The following ZNF688 variants were observed in gnomAD, a reference collection of about 807,000 sequenced individuals.
ZNF688 encodes zinc finger protein 688.
ZNF688 carries 10 observed loss-of-function variants against 13.2 expected under a neutral mutation model. The ratio of observed to expected loss-of-function variants is 0.76; its 90% CI spans 0.47 to 1.28. The LOEUF (loss-of-function observed/expected upper bound fraction) is 1.28, where lower values mean the gene tolerates loss of function less well. ZNF688 is among the 50% of genes most tolerant of loss of function. The pLI is 0.00. For synonymous variants in ZNF688, 160 were observed against 159.4 expected (o/e 1.00, Z -0.03); for missense variants, 381 against 391.4 (o/e 0.97, Z 0.22).
Position 30,571,123 on chromosome 16 carries a change from C to A in ZNF688, c.197G>T (p.Gly66Val). The A allele has an allele frequency of 1.9e-6, 3 of 1,574,066 alleles. No individual in the cohort carries two copies. Among genetic ancestry groups the A allele is most frequent in the Non-Finnish European group, 2.6e-6 (3 of 1,160,468 alleles). The change falls in exon 2 of 3, where the codon GGA becomes GTA. Residue 66 changes from glycine (G) to valine (V), a missense_variant and splice_region_variant. Gly to Val is a moderately radical substitution (Grantham distance 109). Coordinates refer to ENST00000223459, the MANE Select transcript of ZNF688 (RefSeq NM_145271.4). Reference protein sequence around the residue: ...QETYGHLGALGFPGPKPALIS... With the variant: ...QETYGHLGALVFPGPKPALIS... ...GAGGGCTGGTTTGGGGCCTGGGAAT[C>A]CTGGGAGAGAACAGGGATCACAGCG...
chr16:30,578,341 A>G, the ZNF688 span: 2 of 152,130 alleles, frequency 1.3e-5, no homozygotes, highest in African/African-American at 4.8e-5. Flanking sequence ...TCAAGAAATA[A>G]CAAGAACAAC....
upstream of ZNF688, chr16:30,572,800 G>A (rs2051707293): frequency 1.3e-5 from 2 of 152,558 alleles, no homozygotes; most frequent in African/African-American, 4.8e-5. Flanking sequence ...TGGAACTCCT[G>A]GCCTCAAGCA....
Position 30,569,970 on chromosome 16 carries a change from C to G in ZNF688, c.777G>C (p.Arg259=). Residue 259 remains arginine, a synonymous_variant, in exon 3 of 3, where the codon CGG becomes CGC. Transcript: ENST00000223459. ...AVPRAPVRGD[R]DPPVLFRHYP... ...AGTGCCGGAAGAGCACAGGCGGGTC[C>G]CGGTCACCTCGGACGGGGGCCCGAG... The G allele has an allele frequency of 6.3e-7, 1 of 1,596,004 alleles. No homozygotes were observed. The highest frequency in any genetic ancestry group is 1.3e-5 in the African/African-American group (1 of 74,656).
chr16:30,579,591 G>C, the ZNF688 span: 2 of 326,466 alleles, frequency 6.1e-6, no homozygotes, highest in African/African-American at 4.3e-5. Flanking sequence ...ATATTGCCCA[G>C]CTGGTCTCAA....
At position 30,571,564 on chromosome 16, in the gene ZNF688, C is replaced by T. The variant is rs1237123281; in HGVS notation, c.66G>A (p.Lys22=). The change falls in exon 1 of 3, where the codon AAG becomes AAA. Residue 22 remains lysine (K), a synonymous_variant. Transcript: ENST00000223459. ...CGTCCGCGAAGCTCACAGTCCCGGG[C>T]TTCCTGCAACCAGGCCGGGTCTCCC... ...RPGETRPGCR[K]PGTVSFADVA... The T allele has an allele frequency of 6.4e-7, 1 of 1,571,686 alleles. No individual in the cohort carries two copies. The highest frequency in any genetic ancestry group is 8.6e-7 in the Non-Finnish European group (1 of 1,159,850).
chr16:30,571,162 C>T, intron 1 of ZNF688, 39 bp from the exon 2 acceptor site: 1 of 1,548,434 alleles, frequency 6.5e-7, no homozygotes, highest in Non-Finnish European at 8.7e-7. Flanking sequence ...GCCTGAGAGG[C>T]CATCGTGGGA....
At chr16:30,577,792 C>T in the ZNF688 span, among the ~76,000 whole-genome samples, 1 of 151,764 alleles carries the variant, frequency 6.6e-6, no homozygotes, top group Admixed American at 6.6e-5. Flanking sequence ...AAGCAATTCT[C>T]GTGCCTCAGC....
rs1197181539 is a variant in ZNF688, at chr16:30,571,058, C to T, written c.262G>A (p.Ala88Thr). ...TCCCCCTTCTCAGGATCCTGGGCGG[C>T]GGGGCTCCAAGCCTCACTCTCCTGT... ...MEQESEAWSP[A>T]AQDPEKGERL... is the part of the protein sequence containing the mutation. The change falls in exon 2 of 3, where the codon GCC becomes ACC. Residue 88 changes from alanine (A) to threonine (T), a missense_variant. Transcript: ENST00000223459. The T allele has an allele frequency of 6.2e-7, 1 of 1,610,928 alleles. No individual in the cohort carries two copies. Among genetic ancestry groups the T allele is most frequent in the Admixed American group, 1.7e-5 (1 of 59,124 alleles).
chr16:30,572,995 C>A (rs187238586), upstream of ZNF688, among the ~76,000 whole-genome samples: 12 of 152,324 alleles, frequency 7.9e-5, no homozygotes, highest in Non-Finnish European at 1.8e-4. Flanking sequence ...CAACCTTCGC[C>A]TCCCAGGTTC....
chr16:30,576,535 T>C (rs2051749744), upstream of ZNF688, among the ~76,000 whole-genome samples: 1 of 151,852 alleles, frequency 6.6e-6, no homozygotes, highest in African/African-American at 2.4e-5. Context: ...GTATTTTTAG[T>C]AGAGATGGAG....
chr16:30,570,190 G>T lies in ZNF688; in HGVS notation c.557C>A (p.Thr186Lys). Reference sequence around the variant, plus strand: ...GTAGGTGAAGCGGCGGCCGCAGTCCGTGCACACGTGGCGCCGCTGGCCGGC... The same window carrying T: ...GTAGGTGAAGCGGCGGCCGCAGTCCTTGCACACGTGGCGCCGCTGGCCGGC... ...AQAGQRRHVCTDCGRRFTYPS... is the reference protein window; with the variant it reads ...AQAGQRRHVCKDCGRRFTYPS... The change falls in exon 3 of 3, where the codon ACG (threonine) becomes AAG (lysine). Residue 186 changes from threonine to lysine, a missense_variant. Thr to Lys is a moderately conservative substitution (Grantham distance 78). Coordinates refer to ENST00000223459, the MANE Select transcript of ZNF688 (RefSeq NM_145271.4). 3 of 1,611,694 alleles carry T rather than the reference G, an allele frequency of 1.9e-6. No individual in the cohort carries two copies. The highest frequency in any genetic ancestry group is 2.5e-6 in the Non-Finnish European group (3 of 1,179,192).
Position 30,570,186 on chromosome 16 carries a change from G to C in ZNF688, c.561C>G (p.Asp187Glu), listed in dbSNP as rs747533424. 2.1e-5 allele frequency: 34 copies of C among 1,611,262 alleles called. No homozygotes were observed. Among genetic ancestry groups the C allele is most frequent in the Non-Finnish European group, 2.9e-5 (34 of 1,178,930 alleles). ...AGGGGTAGGTGAAGCGGCGGCCGCA[G>C]TCCGTGCACACGTGGCGCCGCTGGC... ...QAGQRRHVCT[D>E]CGRRFTYPSL... is the part of the protein sequence containing the mutation. The change falls in exon 3 of 3, where the codon GAC becomes GAG. Residue 187 changes from aspartate to glutamate, a missense_variant. Transcript: ENST00000223459.
At position 30,570,103 on chromosome 16, in the gene ZNF688, T is replaced by C. The variant is rs776844010; in HGVS notation, c.644A>G (p.Glu215Gly). The C allele has an allele frequency of 6.2e-7, 1 of 1,611,464 alleles. No individual in the cohort carries two copies. Among genetic ancestry groups the C allele is most frequent in the South Asian group, 1.1e-5 (1 of 90,902 alleles). Residue 215 changes from glutamate to glycine, a missense_variant, in exon 3 of 3, where the codon GAG (glutamate) becomes GGG (glycine). Physicochemically the swap from Glu to Gly is moderately conservative, Grantham distance 98 (BLOSUM62 -2). Coordinates refer to ENST00000223459, the MANE Select transcript of ZNF688 (RefSeq NM_145271.4). ...HSGERPFPCP[E>G]CGMRFKRKFA... is the part of the protein sequence containing the mutation. ...CTTCCTCTTGAAGCGCATGCCACACTCGGGGCAGGGGAAAGGCCGCTCCCC... is the reference window on the plus strand; with the variant it reads ...CTTCCTCTTGAAGCGCATGCCACACCCGGGGCAGGGGAAAGGCCGCTCCCC...
chr16:30,571,723 G>A (rs1359862604), upstream of ZNF688: 5 of 1,342,338 alleles, frequency 3.7e-6, no homozygotes, highest in Admixed American at 1.2e-4. Flanking sequence ...AGGAAGGGCG[G>A]CCCCGCCCAG....
chr16:30,573,817 AT>A (rs2051720835), upstream of ZNF688: 3 of 297,182 alleles, frequency 1.0e-5, no homozygotes, highest in Non-Finnish European at 2.0e-5. Flanking sequence ...ATTGTTAATA[AT>A]TAAATATTAT....
chr16:30,575,014 C>T (rs2151233331), upstream of ZNF688, among the ~76,000 whole-genome samples: 1 of 152,250 alleles, frequency 6.6e-6, no homozygotes, highest in African/African-American at 2.4e-5. Flanking sequence ...CCTCCAGTTC[C>T]ATCCATGCTG....
At chr16:30,574,400 G>T (rs146333106), upstream of ZNF688, among the ~76,000 whole-genome samples, 1 of 151,908 alleles carries the variant, frequency 6.6e-6, no homozygotes, top group African/African-American at 2.4e-5. Context: ...ACAAAAATTA[G>T]CTGGGTGTGG....
rs939762478 is a variant in ZNF688 at position 30,571,441 on chromosome 16, G to A, written c.189C>T (p.Gly63=). ...DVMQETYGHL[G]ALGFPGPKPA... ...CGGACCCGGGGCTCTCACCGAGCGC[G>A]CCCAGGTGGCCGTAGGTCTCCTGCA... The change falls in exon 1 of 3, where the codon GGC becomes GGT. Residue 63 remains glycine (G), a synonymous_variant. Transcript: ENST00000223459. The A allele has an allele frequency of 1.4e-5, 22 of 1,570,194 alleles. No individual in the cohort carries two copies. The highest frequency in any genetic ancestry group is 1.8e-5 in the Non-Finnish European group (21 of 1,158,798).
rs370332443 is a variant in ZNF688, at chr16:30,570,033, C to G, written c.714G>C (p.Gly238=). 11 of 1,611,126 alleles carry G rather than the reference C, an allele frequency of 6.8e-6. No individual in the cohort carries two copies. The highest frequency in any genetic ancestry group is 9.3e-6 in the Non-Finnish European group (11 of 1,179,352). ...AHQWIHRSCS[G]GRRGRRPGIR... is the part of the protein sequence containing the mutation. Reference sequence around the variant, plus strand: ...TCCCAGGCCTCCGGCCCCGCCGCCCCCCGGAGCAGGAGCGGTGGATCCACT... The same window carrying G: ...TCCCAGGCCTCCGGCCCCGCCGCCCGCCGGAGCAGGAGCGGTGGATCCACT... Residue 238 remains glycine, a synonymous_variant, in exon 3 of 3, where the codon GGG becomes GGC. Coordinates refer to ENST00000223459, the MANE Select transcript of ZNF688 (RefSeq NM_145271.4).
Sources: gnomAD v4.1 joint callset for allele counts (sites outside exome capture counted in the v4.1 genomes callset) on GRCh38, gnomAD v4.1.1 for gene constraint, MANE v1.5 for transcripts, NCBI Gene and HGNC (gene_info 2026-07-23, HGNC 2026-07-21) for gene names.